The following BLNK variants were observed in gnomAD, a reference collection of about 807,000 sequenced individuals.
BLNK encodes the protein B cell linker.
A neutral mutation model predicts 73.5 loss-of-function variants in BLNK; 29 were observed. That is an observed-to-expected ratio of 0.39 (90% CI 0.29 to 0.54). The LOEUF (loss-of-function observed/expected upper bound fraction) is 0.54. Ranked by LOEUF, BLNK falls within the 20% of genes least tolerant of loss-of-function variation. BLNK has a pLI of 0.61. For missense variants in BLNK, 460 were observed against 562.8 expected (o/e 0.82, Z 1.85); for synonymous variants, 176 against 200.8 (o/e 0.88, Z 1.04).
At chr10:96,232,817 CTTTTT>C (rs67469119) in intron 3 of BLNK, among the ~76,000 whole-genome samples, 1 of 139,478 alleles carries the variant, frequency 7.2e-6, no homozygotes, top group Non-Finnish European at 1.6e-5. Flanking sequence ...CTTTTCTAGT[CTTTTT>C]TTTTTTTTTT....
intron 2 of BLNK, 69 bp from the exon 3 acceptor site, chr10:96,242,853 G>T: frequency 7.7e-7 from 1 of 1,300,312 alleles, no homozygotes; most frequent in Non-Finnish European, 1.1e-6. Flanking sequence ...GATGCTAGAA[G>T]CTGATATAGA....
intron 4 of BLNK, among the ~76,000 whole-genome samples, chr10:96,230,103 A>T (rs782309918): frequency 1.3e-5 from 2 of 152,146 alleles, no homozygotes; most frequent in Admixed American, 6.5e-5. Context: ...ATAAGTGAGG[A>T]ATAATTATTG....
chr10:96,210,203 T>A, intron 8 of BLNK: 1 of 422,396 alleles, frequency 2.4e-6, no homozygotes, highest in Admixed American at 3.5e-5. Context: ...GGGCAAGTCC[T>A]GAGCCCACTG....
chr10:96,225,755 G>A (rs1250778419), intron 5 of BLNK, among the ~76,000 whole-genome samples: 1 of 151,486 alleles, frequency 6.6e-6, no homozygotes, highest in Non-Finnish European at 1.5e-5. Context: ...TGATTCTACT[G>A]CCTCAGCCTC....
At chr10:96,242,095 A>G (rs1352577057) in intron 3 of BLNK, among the ~76,000 whole-genome samples, 1 of 152,184 alleles carries the variant, frequency 6.6e-6, no homozygotes, top group Non-Finnish European at 1.5e-5. Flanking sequence ...TGTAGCTCCC[A>G]TAATTCCCAC....
intron 1 of BLNK, among the ~76,000 whole-genome samples, chr10:96,267,275 A>G (rs754672024): frequency 5.3e-4 from 80 of 152,100 alleles, no homozygotes; most frequent in Non-Finnish European, 9.4e-4. Context: ...CCTATCCGGG[A>G]TGTTGTGGAA....
chr10:96,223,190 A>C (rs587725997), intron 6 of BLNK, among the ~76,000 whole-genome samples: 1 of 152,314 alleles, frequency 6.6e-6, no homozygotes, highest in East Asian at 1.9e-4. Context: ...TCCGGTAAGC[A>C]CACTGCGCAT....
At chr10:96,239,012 T>C in intron 3 of BLNK, 1 of 397,396 alleles carries the variant, frequency 2.5e-6, no homozygotes. Context: ...TCTAACAAGC[T>C]CCAGATGAGG....
Position 96,209,872 on chromosome 10 carries a change from G to T in BLNK, c.712C>A (p.Pro238Thr). The part of the protein sequence containing the change: ...NSGAWETKSP[P>T]PAAPSPLPRA... ...GGCAACGGGGATGGTGCAGCTGGTGGAGGTGACTTGGTTTCCCAGGCCCCA... is the reference window on the plus strand; with the variant it reads ...GGCAACGGGGATGGTGCAGCTGGTGTAGGTGACTTGGTTTCCCAGGCCCCA... The change falls in exon 9 of 17, where the codon CCA becomes ACA. Residue 238 changes from proline to threonine, a missense_variant. Coordinates refer to ENST00000224337, the MANE Select transcript of BLNK (RefSeq NM_013314.4). 6.2e-7 allele frequency: 1 copy of T among 1,614,216 alleles called. No individual in the cohort carries two copies. Among genetic ancestry groups the T allele is most frequent in the Non-Finnish European group, 8.5e-7 (1 of 1,180,030 alleles).
At chr10:96,211,262 T>G (rs1554898661) in intron 8 of BLNK, among the ~76,000 whole-genome samples, 1 of 152,140 alleles carries the variant, frequency 6.6e-6, no homozygotes, top group Non-Finnish European at 1.5e-5. Context: ...AGAGCACAGA[T>G]AAGCACACAT....
chr10:96,220,321 T>C (rs1394758653), intron 6 of BLNK, among the ~76,000 whole-genome samples: 1 of 152,166 alleles, frequency 6.6e-6, no homozygotes. Context: ...CCCAGGTATT[T>C]ACCCCAGACA....
intron 6 of BLNK, among the ~76,000 whole-genome samples, chr10:96,223,065 A>C (rs1294579695): frequency 6.6e-6 from 1 of 152,196 alleles, no homozygotes; most frequent in Non-Finnish European, 1.5e-5. Flanking sequence ...GAGTTGGGCA[A>C]GTGGGCTCAA....
In BLNK at chr10:96,230,803, G is replaced by A. The variant is rs12261820; in HGVS notation, c.195C>T (p.Ser65=). 3.5e-3 allele frequency: 5,569 copies of A among 1,610,700 alleles called. 161 individuals are homozygous for A. The African/African-American group carries it at 0.065, about 19-fold the overall frequency. ...AGGAGCAAATACTTACAAAGTCATCGGACCACTGCTCCTCTTCGTCAGCAG... is the reference window on the plus strand; with the variant it reads ...AGGAGCAAATACTTACAAAGTCATCAGACCACTGCTCCTCTTCGTCAGCAG... ...ESPADEEEQW[S]DDFDSDYENP... The change falls in exon 4 of 17, where the codon TCC becomes TCT. Residue 65 remains serine (S), a synonymous_variant. Coordinates refer to ENST00000224337, the MANE Select transcript of BLNK (RefSeq NM_013314.4).
chr10:96,207,656 G>A (rs1554897742), intron 10 of BLNK, among the ~76,000 whole-genome samples: 1 of 152,206 alleles, frequency 6.6e-6, no homozygotes, highest in Non-Finnish European at 1.5e-5. Context: ...AAGCTGCTGG[G>A]ATCAAGTGAG....
intron 1 of BLNK, among the ~76,000 whole-genome samples, chr10:96,265,686 T>C (rs539155012): frequency 1.3e-5 from 2 of 152,346 alleles, no homozygotes; most frequent in South Asian, 4.1e-4. Flanking sequence ...AAGATATGTA[T>C]TGCCTATTCT....
At chr10:96,259,551 G>T (rs895984131) in intron 1 of BLNK, among the ~76,000 whole-genome samples, 1 of 152,024 alleles carries the variant, frequency 6.6e-6, no homozygotes, top group Non-Finnish European at 1.5e-5. Context: ...GAGGGTCCTG[G>T]AGTGGAGGGG....
At chr10:96,227,671 G>A (rs1554902876) in intron 4 of BLNK, 105 bp from the exon 5 acceptor site, 1 of 1,558,666 alleles carries the variant, frequency 6.4e-7, no homozygotes, top group Non-Finnish European at 8.8e-7. Flanking sequence ...AGGAGACAAG[G>A]CTTGGAGAGG....
At chr10:96,255,482 G>A (rs1307010635) in intron 1 of BLNK, among the ~76,000 whole-genome samples, 1 of 151,142 alleles carries the variant, frequency 6.6e-6, no homozygotes, top group Non-Finnish European at 1.5e-5. Flanking sequence ...TGATAGGCAG[G>A]TTTCAGGATT....
intron 8 of BLNK, chr10:96,210,295 C>T (rs2083917016): frequency 6.8e-6 from 2 of 295,066 alleles, no homozygotes; most frequent in Admixed American, 8.8e-5. Context: ...GTGCACACTG[C>T]ACAAATGTGC....
Sources: gnomAD v4.1 joint callset for allele counts (sites outside exome capture counted in the v4.1 genomes callset) on GRCh38, gnomAD v4.1.1 for gene constraint, MANE v1.5 for transcripts, NCBI Gene and HGNC (gene_info 2026-07-23, HGNC 2026-07-21) for gene names.